Variants in CIT observed in about 807,000 individuals in gnomAD.
The protein encoded by CIT is citron Rho-interacting kinase.
A neutral mutation model predicts 272.7 loss-of-function variants in CIT; 79 were observed. That is an observed-to-expected ratio of 0.29 (90% CI 0.24 to 0.35). The LOEUF (loss-of-function observed/expected upper bound fraction) is 0.35, where lower values mean the gene tolerates loss of function less well. CIT is among the 10% of genes least tolerant of loss of function. The probability of loss-of-function intolerance (pLI) is 1.00; values close to 1 mark genes in which losing one functional copy is unlikely to be tolerated. For synonymous variants in CIT, 948 were observed against 995.6 expected (o/e 0.95, Z 0.90); for missense variants, 1,909 against 2,618.3 (o/e 0.73, Z 5.91).
chr12:119,743,222 G>C (rs532674969), intron 23 of CIT, among the ~76,000 whole-genome samples: 2 of 151,616 alleles, frequency 1.3e-5, no homozygotes, highest in South Asian at 4.2e-4. Context: ...AACAAATAGG[G>C]ACCAGTTTAA....
intron 19 of CIT, among the ~76,000 whole-genome samples, chr12:119,764,929 C>T (rs1962232983): frequency 6.6e-6 from 1 of 151,974 alleles, no homozygotes; most frequent in African/African-American, 2.4e-5. Flanking sequence ...GTCTCAGCCT[C>T]CCAAGTAGCT....
At chr12:119,845,214 G>A (rs752202836) in intron 5 of CIT, among the ~76,000 whole-genome samples, 12 of 152,246 alleles carry the variant, frequency 7.9e-5, no homozygotes, top group Middle Eastern at 6.8e-3. Flanking sequence ...TAAGGATGCC[G>A]ATGCCAGTGG....
At chr12:119,776,237 G>T in intron 15 of CIT, 121 bp downstream of exon 15, 1 of 789,046 alleles carries the variant, frequency 1.3e-6, no homozygotes, top group Non-Finnish European at 2.2e-6. Flanking sequence ...AATAAGCCTC[G>T]AAGAGAGGTC....
chr12:119,738,886 GA>G (rs34799621), intron 24 of CIT, among the ~76,000 whole-genome samples: 96,556 of 121,910 alleles, frequency 0.79, 37,030 homozygotes, highest in Middle Eastern at 0.85. Flanking sequence ...TCAATCTCCA[GA>G]AAAAAAAAAA....
At chr12:119,734,606 T>G (rs541179120) in intron 25 of CIT, among the ~76,000 whole-genome samples, 1 of 152,064 alleles carries the variant, frequency 6.6e-6, no homozygotes, top group African/African-American at 2.4e-5. Context: ...GCCATTTACA[T>G]TGATCCCCCA....
intron 23 of CIT, among the ~76,000 whole-genome samples, chr12:119,751,807 T>C (rs982618075): frequency 3.9e-5 from 6 of 152,086 alleles, no homozygotes; most frequent in African/African-American, 1.4e-4. Context: ...AAGGAAAATA[T>C]ATAAGTAAAG....
In CIT at chr12:119,751,661, A is replaced by G. The variant is rs181422856; in HGVS notation, c.2904+389T>C. On this transcript the variant is annotated intron_variant, in intron 23 of 47. Coordinates refer to ENST00000392521, the MANE Select transcript of CIT (RefSeq NM_001206999.2). ...GTTAACTAAAACAAAAAGTAAAAAT[A>G]TGGTAGAAAAACTACTATAAGATTA... 6.7e-3 allele frequency among the ~76,000 whole-genome samples: 1,020 copies of G among 152,186 alleles called. 9 individuals carry two copies. The highest frequency in any genetic ancestry group is 0.011 in the Non-Finnish European group (736 of 68,018).
At chr12:119,838,816 G>A (rs1969202747) in intron 5 of CIT, among the ~76,000 whole-genome samples, 1 of 152,090 alleles carries the variant, frequency 6.6e-6, no homozygotes, top group South Asian at 2.1e-4. Context: ...CTCCTTACAA[G>A]GACTGGAGAT....
At chr12:119,724,541 G>A (rs202983) in intron 28 of CIT, among the ~76,000 whole-genome samples, 37,653 of 152,028 alleles carry the variant, frequency 0.25, 4,854 homozygotes, top group Middle Eastern at 0.34. Flanking sequence ...TATGAGGAGC[G>A]TTGGGGAAGG....
intron 39 of CIT, among the ~76,000 whole-genome samples, chr12:119,709,783 AGAGAGTGTGTGTGTGTGTGT>A (rs1313630609): frequency 3.3e-4 from 18 of 54,698 alleles, no homozygotes; most frequent in Non-Finnish European, 6.7e-4. Context: ...AGAGAGAGAG[AGAGAGTGTGTGTGTGTGTGT>A]GTGTGTGTGT....
At chr12:119,826,617 T>C (rs1968182329) in intron 7 of CIT, among the ~76,000 whole-genome samples, 1 of 152,188 alleles carries the variant, frequency 6.6e-6, no homozygotes, top group Non-Finnish European at 1.5e-5. Flanking sequence ...CTTCTCTAAC[T>C]TTTCTCCCCA....
At chr12:119,868,131 A>G (rs1320396027) in intron 3 of CIT, among the ~76,000 whole-genome samples, 1 of 152,004 alleles carries the variant, frequency 6.6e-6, no homozygotes, top group Non-Finnish European at 1.5e-5. Context: ...ACTGGGGTGG[A>G]AGGATTGCTT....
At chr12:119,836,284 T>TAAAAAAAAAAAAA (rs201559880) in intron 5 of CIT, among the ~76,000 whole-genome samples, 1 of 42,262 alleles carries the variant, frequency 2.4e-5, no homozygotes, top group African/African-American at 1.0e-4. Context: ...AGACTCCATC[T>TAAAAAAAAAAAAA]AAAAAAAAAA....
chr12:119,762,299 T>C (rs1035547831), intron 19 of CIT, among the ~76,000 whole-genome samples: 1 of 152,122 alleles, frequency 6.6e-6, no homozygotes, highest in African/African-American at 2.4e-5. Flanking sequence ...AACAGGGTCA[T>C]GAGAGAAAGG....
At chr12:119,736,790 G>T (rs1003201333) in intron 24 of CIT, among the ~76,000 whole-genome samples, 53 of 152,188 alleles carry the variant, frequency 3.5e-4, no homozygotes, top group Admixed American at 2.6e-4. Context: ...ATGCCCAGTA[G>T]TTCAACTGGT....
chr12:119,761,628 T>C (rs1306723109), intron 19 of CIT, among the ~76,000 whole-genome samples: 2 of 151,984 alleles, frequency 1.3e-5, no homozygotes, highest in East Asian at 3.9e-4. Context: ...ACCAATAACG[T>C]AGGTGGATGG....
intron 5 of CIT, among the ~76,000 whole-genome samples, chr12:119,842,036 C>T (rs1321818776): frequency 6.6e-6 from 1 of 152,108 alleles, no homozygotes; most frequent in South Asian, 2.1e-4. Flanking sequence ...ATTGCAGGCT[C>T]AGAGCAAGGG....
intron 10 of CIT, among the ~76,000 whole-genome samples, chr12:119,802,874 A>G (rs1966315168): frequency 6.6e-6 from 1 of 152,054 alleles, no homozygotes; most frequent in African/African-American, 2.4e-5. Context: ...ACTCCTGCAC[A>G]TTTCTCCTTT....
chr12:119,720,858 C>T (rs1170407180), intron 29 of CIT, among the ~76,000 whole-genome samples: 1 of 152,218 alleles, frequency 6.6e-6, no homozygotes, highest in Non-Finnish European at 1.5e-5. Context: ...TGAATGTTTG[C>T]AATCTTTGAA....
Sources: gnomAD v4.1 joint callset for allele counts (sites outside exome capture counted in the v4.1 genomes callset) on GRCh38, gnomAD v4.1.1 for gene constraint, MANE v1.5 for transcripts, NCBI Gene and HGNC (gene_info 2026-07-23, HGNC 2026-07-21) for gene names.